The following CELF4 variants were observed in gnomAD, a reference collection of about 807,000 sequenced individuals.
CELF4 encodes the protein CUGBP Elav-like family member 4, also known as CUG-BP- and ETR-3-like factor 4.
In CELF4, 18 loss-of-function variants were observed where a neutral mutation model predicts 59.9. That is an observed-to-expected ratio of 0.30 (90% CI 0.21 to 0.45). CELF4 has a LOEUF of 0.45. Ranked by LOEUF, CELF4 falls within the 20% of genes least tolerant of loss-of-function variation. CELF4 has a pLI of 1.00. For missense variants in CELF4, 456 were observed against 689.0 expected, an observed-to-expected ratio of 0.66 and a Z score of 3.79; for synonymous variants, 261 against 267.1, an observed-to-expected ratio of 0.98 and a Z score of 0.22.
intron 1 of CELF4, among the ~76,000 whole-genome samples, chr18:37,516,863 C>T (rs1019896484): frequency 8.5e-5 from 13 of 152,200 alleles, no homozygotes; most frequent in African/African-American, 1.9e-4. Flanking sequence ...TCTGGGGGCA[C>T]GTGGCTGGGA....
At chr18:37,456,707 A>G (rs1042679603) in intron 2 of CELF4, among the ~76,000 whole-genome samples, 2 of 152,198 alleles carry the variant, frequency 1.3e-5, no homozygotes, top group African/African-American at 2.4e-5. Context: ...ACAGCCATGA[A>G]TAACAGAGCC....
chr18:37,430,084 T>A (rs898865669), intron 2 of CELF4, among the ~76,000 whole-genome samples: 15 of 152,218 alleles, frequency 9.9e-5, no homozygotes. Flanking sequence ...CACTTCTCTC[T>A]TGGCCACCCC....
intron 2 of CELF4, among the ~76,000 whole-genome samples, chr18:37,322,562 C>T (rs182384337): frequency 7.9e-5 from 12 of 152,208 alleles, no homozygotes; most frequent in East Asian, 1.9e-4. Flanking sequence ...CCCTAGCCGC[C>T]GGCCTCTCTC....
chr18:37,281,828 C>G (rs903641525), intron 3 of CELF4, among the ~76,000 whole-genome samples: 4 of 152,176 alleles, frequency 2.6e-5, no homozygotes, highest in African/African-American at 4.8e-5. Flanking sequence ...TCCTGGATCC[C>G]AGGGTCTTCT....
Position 37,243,445 on chromosome 18 carries a change from T to G in CELF4, c.*1797A>C, listed in dbSNP as rs1180488956. On this transcript the variant is annotated 3_prime_UTR_variant, in exon 13 of 13. Transcript: ENST00000420428. ...TCTTCCCAAGGGTGCAAATAAATTA[T>G]AATAAATATGTTATACTTTAAAATA... 6.6e-6 allele frequency: 1 copy of G among 152,150 alleles called. No individual in the cohort carries two copies. Among genetic ancestry groups the G allele is most frequent in the East Asian group, 1.9e-4 (1 of 5,196 alleles). 9.4% of individuals were successfully genotyped at this position (152,150 alleles called of 1,614,324 possible).
At chr18:37,364,784 C>A (rs2098754227) in intron 2 of CELF4, among the ~76,000 whole-genome samples, 1 of 152,192 alleles carries the variant, frequency 6.6e-6, no homozygotes, top group Non-Finnish European at 1.5e-5. Flanking sequence ...TGAATGATTT[C>A]TATGCAGTTC....
chr18:37,565,740 C>A lies in CELF4; in HGVS notation c.-99G>T. ...ACACACGCACACGCATACACACACT[C>A]GGGTTCTCTCCCCCTCGGTTTCTCT... On this transcript the variant is annotated 5_prime_UTR_variant, in exon 1 of 13. Coordinates refer to ENST00000420428, the MANE Select transcript of CELF4 (RefSeq NM_020180.4). 3 of 982,496 alleles carry A rather than the reference C, an allele frequency of 3.1e-6. No individual in the cohort carries two copies. The South Asian group carries it at 6.0e-5, about 20-fold the overall frequency. 60.9% of individuals were successfully genotyped at this position (982,496 alleles called of 1,614,324 possible). A position where few individuals can be genotyped will look rare whatever the true frequency, so the allele number is the denominator to read the frequency against.
intron 2 of CELF4, among the ~76,000 whole-genome samples, chr18:37,372,276 A>G (rs543013447): frequency 9.3e-4 from 141 of 152,378 alleles, no homozygotes; most frequent in African/African-American, 3.3e-3. Context: ...TGTGGCACAT[A>G]TACACCATGG....
chr18:37,510,770 C>T (rs72891060), intron 1 of CELF4, among the ~76,000 whole-genome samples: 10,680 of 152,226 alleles, frequency 0.07, 579 homozygotes, highest in East Asian at 0.27. Context: ...CCTTCCTTCT[C>T]CAGGTGCTTC....
intron 2 of CELF4, among the ~76,000 whole-genome samples, chr18:37,338,192 CACT>C (rs2097847392): frequency 3.8e-5 from 1 of 26,132 alleles, no homozygotes; most frequent in Non-Finnish European, 6.5e-5. Context: ...CCATTGTCAC[CACT>C]ATCATTGTCA....
intron 2 of CELF4, among the ~76,000 whole-genome samples, chr18:37,328,404 C>G (rs534312169): frequency 6.6e-6 from 1 of 152,290 alleles, no homozygotes; most frequent in South Asian, 2.1e-4. Context: ...AGAATGCTCT[C>G]CAGAGTGACT....
chr18:37,420,465 GA>G (rs2099571203), intron 2 of CELF4, among the ~76,000 whole-genome samples: 1 of 152,230 alleles, frequency 6.6e-6, no homozygotes. Context: ...GGTGGGACTT[GA>G]ACTGGGTGGC....
At chr18:37,338,409 A>G (rs543165403) in intron 2 of CELF4, among the ~76,000 whole-genome samples, 4 of 150,222 alleles carry the variant, frequency 2.7e-5, no homozygotes, top group South Asian at 2.1e-4. Context: ...CACCACTATC[A>G]TTGTCACCAT....
intron 2 of CELF4, among the ~76,000 whole-genome samples, chr18:37,330,728 G>A (rs192779641): frequency 1.8e-3 from 270 of 152,262 alleles, no homozygotes; most frequent in Admixed American, 4.6e-3. Flanking sequence ...CATGACCCTC[G>A]TTCCCTCCTG....
At chr18:37,386,712 C>T (rs1343673704) in intron 2 of CELF4, among the ~76,000 whole-genome samples, 1 of 152,096 alleles carries the variant, frequency 6.6e-6, no homozygotes, top group Non-Finnish European at 1.5e-5. Flanking sequence ...CAATTCAGTC[C>T]CTTTCTCAAT....
intron 1 of CELF4, among the ~76,000 whole-genome samples, chr18:37,556,316 G>C (rs1436400270): frequency 6.6e-6 from 1 of 152,204 alleles, no homozygotes; most frequent in Non-Finnish European, 1.5e-5. Context: ...CTTTATCTAT[G>C]CAGTGGCAAC....
At position 37,274,958 on chromosome 18, in the gene CELF4, C is replaced by G. The variant is rs28364740; in HGVS notation, c.578-74G>C. ...AGGGGCCGGGAGGAGAGGGCGCATC[C>G]CAGGTGAACGCAGACGGGTGAGGCA... On this transcript the variant is annotated intron_variant, in intron 4 of 12. Coordinates refer to ENST00000420428, the MANE Select transcript of CELF4 (RefSeq NM_020180.4). 731 of 1,564,486 alleles carry G rather than the reference C, an allele frequency of 4.7e-4. 8 individuals are homozygous for G. The East Asian group carries it at 0.017, about 36-fold the overall frequency.
intron 7 of CELF4, among the ~76,000 whole-genome samples, chr18:37,271,670 G>A (rs117152211): frequency 0.017 from 2,616 of 152,316 alleles, 35 homozygotes; most frequent in Non-Finnish European, 0.028. Flanking sequence ...TTTCTGCTCA[G>A]ATGGAGTAGG....
At chr18:37,553,732 C>A (rs763777398) in intron 1 of CELF4, among the ~76,000 whole-genome samples, 7 of 152,190 alleles carry the variant, frequency 4.6e-5, no homozygotes, top group Admixed American at 6.5e-5. Context: ...GAGAGTCCCC[C>A]ACCCGCGCAG....
Sources: allele counts gnomAD v4.1 joint callset (sites outside exome capture counted in the v4.1 genomes callset), GRCh38; gene constraint gnomAD v4.1.1; transcripts MANE v1.5; gene names NCBI Gene and HGNC (gene_info 2026-07-23, HGNC 2026-07-21).